Variants in TBCE observed in about 807,000 individuals in gnomAD.
TBCE encodes tubulin-specific chaperone E.
A neutral mutation model predicts 77.0 loss-of-function variants in TBCE; 53 were observed. The observed-to-expected ratio is 0.69, with a 90% confidence interval of 0.55 to 0.87. The LOEUF is 0.87. TBCE is among the 40% of genes least tolerant of loss of function. The probability of loss-of-function intolerance (pLI) is 0.00; values close to 1 mark genes in which losing one functional copy is unlikely to be tolerated. For synonymous variants in TBCE, 235 were observed against 241.3 expected (o/e 0.97, Z 0.24); for missense variants, 624 against 622.4 (o/e 1.00, Z -0.03).
intron 4 of TBCE, among the ~76,000 whole-genome samples, chr1:235,416,970 A>C (rs1197511050): frequency 6.6e-6 from 1 of 152,178 alleles, no homozygotes; most frequent in Admixed American, 6.5e-5. Flanking sequence ...AAAACCTAAG[A>C]TATAAGTGCT....
intron 1 of TBCE, among the ~76,000 whole-genome samples, chr1:235,369,495 G>T (rs964857663): frequency 5.4e-5 from 8 of 147,968 alleles, no homozygotes; most frequent in Admixed American, 1.4e-4. Context: ...GATAGAGCAA[G>T]ACTCTGTCTC....
intron 15 of TBCE, among the ~76,000 whole-genome samples, chr1:235,443,421 C>T (rs920612085): frequency 1.3e-5 from 2 of 152,172 alleles, no homozygotes; most frequent in East Asian, 3.9e-4. Flanking sequence ...AGGCTGGTCT[C>T]GAATTCCTGA....
At chr1:235,432,887 A>G in intron 7 of TBCE, 2 of 642,402 alleles carry the variant, frequency 3.1e-6, no homozygotes, top group East Asian at 6.4e-5. Flanking sequence ...TATTATACAT[A>G]ATTATATAAT....
chr1:235,414,706 A>C, intron 4 of TBCE, 88 bp downstream of exon 4: 12 of 1,334,984 alleles, frequency 9.0e-6, no homozygotes, highest in South Asian at 1.2e-5. Context: ...ATGGATGCTC[A>C]TGACTTTGCT....
intron 1 of TBCE, among the ~76,000 whole-genome samples, chr1:235,369,161 T>C (rs534517283): frequency 4.1e-4 from 63 of 152,188 alleles, no homozygotes; most frequent in African/African-American, 1.3e-3. Context: ...AAAAATCAGA[T>C]TTATGTCTTT....
chr1:235,389,353 G>A (rs1388192596), intron 2 of TBCE, among the ~76,000 whole-genome samples: 1 of 152,122 alleles, frequency 6.6e-6, no homozygotes, highest in African/African-American at 2.4e-5. Flanking sequence ...TTGAGGTTGA[G>A]TTTCGTTCTT....
intron 7 of TBCE, chr1:235,433,081 CG>C (rs1681201350): frequency 6.4e-7 from 1 of 1,550,642 alleles, no homozygotes; most frequent in African/African-American, 1.4e-5. Context: ...CACATCCATG[CG>C]GATGAACGTG....
intron 3 of TBCE, 50 bp from the exon 4 acceptor site, chr1:235,414,383 C>T (rs767569138): frequency 1.3e-6 from 2 of 1,592,192 alleles, no homozygotes; most frequent in East Asian, 2.2e-5. Flanking sequence ...TATTTATGGC[C>T]TTTCTTGGTG....
chr1:235,448,611 A>C, intron 16 of TBCE, 59 bp from the exon 17 acceptor site: 3 of 1,442,358 alleles, frequency 2.1e-6, no homozygotes, highest in Admixed American at 1.7e-5. Flanking sequence ...GAGTATGTGT[A>C]GCATGCTTTA....
At chr1:235,440,085 C>T (rs1372419543) in intron 13 of TBCE, among the ~76,000 whole-genome samples, 1 of 152,052 alleles carries the variant, frequency 6.6e-6, no homozygotes, top group African/African-American at 2.4e-5. Context: ...ATTCTCCTGC[C>T]TCAGCCTCCC....
chr1:235,406,892 T>C (rs1679468068), intron 3 of TBCE, among the ~76,000 whole-genome samples: 1 of 142,374 alleles, frequency 7.0e-6, no homozygotes, highest in Non-Finnish European at 1.5e-5. Context: ...TGGAGTGCAA[T>C]GGCGTGATCT....
intron 2 of TBCE, among the ~76,000 whole-genome samples, chr1:235,382,969 A>G (rs1677772616): frequency 6.8e-6 from 1 of 148,018 alleles, no homozygotes; most frequent in Non-Finnish European, 1.5e-5. Flanking sequence ...TAAGTCTTTA[A>G]TCCATCTTGA....
intron 8 of TBCE, among the ~76,000 whole-genome samples, 171 bp from the exon 9 acceptor site, chr1:235,435,574 C>T (rs1681393526): frequency 6.6e-6 from 1 of 152,150 alleles, no homozygotes; most frequent in Non-Finnish European, 1.5e-5. Flanking sequence ...CTGATACCGG[C>T]AGGAATATGT....
intron 2 of TBCE, among the ~76,000 whole-genome samples, chr1:235,383,740 T>C (rs1160102335): frequency 1.3e-5 from 2 of 152,228 alleles, no homozygotes; most frequent in African/African-American, 4.8e-5. Flanking sequence ...GTTTTCTAGA[T>C]ATACAATCAT....
chr1:235,379,483 G>A (rs373750635), intron 1 of TBCE, among the ~76,000 whole-genome samples: 1 of 152,070 alleles, frequency 6.6e-6, no homozygotes, highest in African/African-American at 2.4e-5. Context: ...AGCCGAGATC[G>A]TGCCACAGCA....
At position 235,441,887 on chromosome 1, in the gene TBCE, G is replaced by A. The variant is rs1381119070; in HGVS notation, c.1339+5G>A. On this transcript the variant is annotated splice_donor_5th_base_variant and intron_variant, in intron 14 of 16. Coordinates refer to ENST00000642610, the MANE Select transcript of TBCE (RefSeq NM_003193.5). ...TGCTGAAAAACCAGCTACTAAGTAA[G>A]AATCTCAGATTCAAATAGTTTATTT... 1.9e-6 allele frequency: 3 copies of A among 1,613,182 alleles called. No homozygotes were observed. Among genetic ancestry groups the A allele is most frequent in the African/African-American group, 1.3e-5 (1 of 74,914 alleles).
At chr1:235,440,174 G>T (rs1405333190) in intron 13 of TBCE, among the ~76,000 whole-genome samples, 1 of 152,108 alleles carries the variant, frequency 6.6e-6, no homozygotes, top group Non-Finnish European at 1.5e-5. Flanking sequence ...GTTTCACCGT[G>T]TTAGCCAGGA....
chr1:235,413,449 G>A (rs937936605), intron 3 of TBCE, among the ~76,000 whole-genome samples: 2 of 151,708 alleles, frequency 1.3e-5, no homozygotes, highest in East Asian at 3.9e-4. Flanking sequence ...ATCACTTAAG[G>A]TCAGAAGTTC....
At chr1:235,412,141 CT>C (rs1467754188) in intron 3 of TBCE, among the ~76,000 whole-genome samples, 2 of 6,636 alleles carry the variant, frequency 3.0e-4, no homozygotes, top group South Asian at 4.9e-3. Context: ...TTCTCCTCCC[CT>C]TCCCCTCCCC....
Sources: allele counts gnomAD v4.1 joint callset (sites outside exome capture counted in the v4.1 genomes callset), GRCh38; gene constraint gnomAD v4.1.1; transcripts MANE v1.5; gene names NCBI Gene and HGNC (gene_info 2026-07-23, HGNC 2026-07-21).